KCNH7: variants seen among roughly 807,000 people sequenced by gnomAD.
The protein encoded by KCNH7 is potassium voltage-gated channel subfamily H member 7, also known as voltage-gated inwardly rectifying potassium channel KCNH7.
Under a neutral mutation model 120.8 loss-of-function variants are expected in KCNH7, and 49 were observed. That is an observed-to-expected ratio of 0.41 (90% CI 0.32 to 0.51). The LOEUF (loss-of-function observed/expected upper bound fraction) is 0.51, where lower values mean the gene tolerates loss of function less well. Ranked by LOEUF, KCNH7 falls within the 20% of genes least tolerant of loss-of-function variation. The probability of loss-of-function intolerance (pLI) is 0.38; values close to 1 mark genes in which losing one functional copy is unlikely to be tolerated. For missense variants in KCNH7, 1,097 were observed against 1,446.6 expected (o/e 0.76, Z 3.92); for synonymous variants, 547 against 516.1 (o/e 1.06, Z -0.81).
intron 2 of KCNH7, among the ~76,000 whole-genome samples, chr2:162,749,254 C>T (rs1025624169): frequency 1.3e-5 from 2 of 151,220 alleles, no homozygotes; most frequent in Non-Finnish European, 2.9e-5. Flanking sequence ...CCAGTTAAGA[C>T]TTTCGATCAC....
At chr2:162,617,726 G>T (rs1683200356) in intron 2 of KCNH7, among the ~76,000 whole-genome samples, 1 of 152,020 alleles carries the variant, frequency 6.6e-6, no homozygotes, top group Non-Finnish European at 1.5e-5. Flanking sequence ...GGATTAAACT[G>T]GTTACTAATG....
At chr2:162,596,033 A>C (rs1265591732) in intron 2 of KCNH7, among the ~76,000 whole-genome samples, 1 of 152,058 alleles carries the variant, frequency 6.6e-6, no homozygotes, top group Non-Finnish European at 1.5e-5. Context: ...AAACTATAAA[A>C]ATAAATTGAT....
At chr2:162,675,575 A>C (rs1211847589) in intron 2 of KCNH7, among the ~76,000 whole-genome samples, 1 of 151,554 alleles carries the variant, frequency 6.6e-6, no homozygotes, top group African/African-American at 2.4e-5. Context: ...CATCAATACA[A>C]GGTAAATCTT....
chr2:162,613,021 C>A (rs1683021262), intron 2 of KCNH7, among the ~76,000 whole-genome samples: 1 of 151,820 alleles, frequency 6.6e-6, no homozygotes, highest in South Asian at 2.1e-4. Flanking sequence ...TTTACTTGGG[C>A]TTCTGGTAAA....
At chr2:162,643,961 G>A (rs149523014) in intron 2 of KCNH7, among the ~76,000 whole-genome samples, 4 of 152,146 alleles carry the variant, frequency 2.6e-5, no homozygotes, top group East Asian at 3.9e-4. Context: ...GTTCTAACTC[G>A]TTATTTAGTG....
Position 162,378,994 on chromosome 2 carries a change from G to A in KCNH7, c.3131+859C>T, listed in dbSNP as rs573246976. Among the ~76,000 whole-genome samples, 433 of 152,276 alleles carry A rather than the reference G, an allele frequency of 2.8e-3. 8 individuals carry two copies. Among genetic ancestry groups the A allele is most frequent in the African/African-American group, 9.8e-3 (406 of 41,562 alleles). On this transcript the variant is annotated intron_variant, in intron 14 of 15. Coordinates refer to ENST00000332142, the MANE Select transcript of KCNH7 (RefSeq NM_033272.4). ...TTGTGTAAGTCAGAATTGGGGTAGT[G>A]CAATCCTTTTACCATGCTTGTGCGT...
chr2:162,721,034 A>G (rs901904701), intron 2 of KCNH7, among the ~76,000 whole-genome samples: 5 of 152,176 alleles, frequency 3.3e-5, no homozygotes, highest in Admixed American at 2.0e-4. Flanking sequence ...TATAGATACT[A>G]ACGCTACGAC....
chr2:162,454,057 A>G (rs574307907), intron 6 of KCNH7, among the ~76,000 whole-genome samples: 1 of 152,232 alleles, frequency 6.6e-6, no homozygotes, highest in African/African-American at 2.4e-5. Flanking sequence ...GGTAGTGCCT[A>G]GGTTTTCTTC....
intron 2 of KCNH7, among the ~76,000 whole-genome samples, chr2:162,653,961 A>T (rs1287000599): frequency 1.3e-5 from 2 of 152,090 alleles, no homozygotes; most frequent in Non-Finnish European, 2.9e-5. Flanking sequence ...ATAAAATTAG[A>T]CCCTTAAATC....
intron 2 of KCNH7, among the ~76,000 whole-genome samples, chr2:162,562,788 T>C (rs1254604500): frequency 1.3e-5 from 2 of 152,212 alleles, no homozygotes; most frequent in African/African-American, 4.8e-5. Context: ...CCCATCTTGC[T>C]ATTCCTGGGC....
intron 2 of KCNH7, among the ~76,000 whole-genome samples, chr2:162,636,724 G>A (rs1413349171): frequency 6.6e-6 from 1 of 152,056 alleles, no homozygotes; most frequent in East Asian, 1.9e-4. Context: ...TAACATGGAT[G>A]GAAGCAAATA....
intron 6 of KCNH7, among the ~76,000 whole-genome samples, chr2:162,489,296 C>A (rs1690210470): frequency 6.6e-6 from 1 of 152,016 alleles, no homozygotes; most frequent in Admixed American, 6.6e-5. Flanking sequence ...ATTTTGGCTT[C>A]TCTGGGCCAC....
Position 162,504,560 on chromosome 2 carries a change from C to A in KCNH7, c.1011G>T (p.Leu337=), listed in dbSNP as rs1438986420. The change falls in exon 6 of 16, where the codon CTG becomes CTT. Residue 337 remains leucine, a synonymous_variant. Transcript: ENST00000332142. ...STINKIPQLT[L]NFSEVKTEKK... ...TCTCAGTTTTGACCTCTGAAAAATT[C>A]AGAGTGAGCTGTGGAATCTTGTTAA... 6.2e-7 allele frequency: 1 copy of A among 1,612,618 alleles called. No individual in the cohort carries two copies. Among genetic ancestry groups the A allele is most frequent in the South Asian group, 1.1e-5 (1 of 91,046 alleles).
chr2:162,691,414 T>A (rs1255506862), intron 2 of KCNH7, among the ~76,000 whole-genome samples: 6 of 152,182 alleles, frequency 3.9e-5, no homozygotes, highest in Non-Finnish European at 8.8e-5. Flanking sequence ...AAACTCAATT[T>A]GAGAACTGAT....
chr2:162,659,779 A>G (rs1251949497), intron 2 of KCNH7, among the ~76,000 whole-genome samples: 1 of 152,064 alleles, frequency 6.6e-6, no homozygotes, highest in Non-Finnish European at 1.5e-5. Context: ...TGGTTTTAGT[A>G]TTAGGGTAAT....
intron 2 of KCNH7, among the ~76,000 whole-genome samples, chr2:162,605,296 G>A (rs940416320): frequency 1.3e-5 from 2 of 152,146 alleles, no homozygotes; most frequent in African/African-American, 4.8e-5. Context: ...CTTGGGCTGA[G>A]CATGGAAAGA....
chr2:162,481,359 G>A (rs1282682141), intron 6 of KCNH7, among the ~76,000 whole-genome samples: 1 of 152,114 alleles, frequency 6.6e-6, no homozygotes, highest in Non-Finnish European at 1.5e-5. Context: ...TTACAAATTA[G>A]GAATCCAAGA....
chr2:162,429,031 C>T (rs73971867), intron 8 of KCNH7, among the ~76,000 whole-genome samples: 2,550 of 151,804 alleles, frequency 0.017, 69 homozygotes, highest in African/African-American at 0.058. Context: ...TACTATCTTG[C>T]TATTTGTTTT....
chr2:162,599,199 TG>T (rs1694472886), intron 2 of KCNH7, among the ~76,000 whole-genome samples: 1 of 151,580 alleles, frequency 6.6e-6, no homozygotes, highest in African/African-American at 2.4e-5. Flanking sequence ...AGCGAGACTC[TG>T]TCTCAAAAAA....
Sources: allele counts gnomAD v4.1 joint callset (sites outside exome capture counted in the v4.1 genomes callset), GRCh38; gene constraint gnomAD v4.1.1; transcripts MANE v1.5; gene names NCBI Gene and HGNC (gene_info 2026-07-23, HGNC 2026-07-21).